Variants in GALNTL6 observed in about 807,000 individuals in gnomAD.
The protein encoded by GALNTL6 is polypeptide N-acetylgalactosaminyltransferase-like 6.
Under a neutral mutation model 73.7 loss-of-function variants are expected in GALNTL6, and 46 were observed. The ratio of observed to expected loss-of-function variants is 0.62; its 90% CI spans 0.49 to 0.80. The LOEUF is 0.80. Ranked by LOEUF, GALNTL6 falls within the 30% of genes least tolerant of loss-of-function variation. The probability of loss-of-function intolerance (pLI) is 0.00; values close to 1 mark genes in which losing one functional copy is unlikely to be tolerated. For missense variants in GALNTL6, 604 were observed against 755.0 expected, an observed-to-expected ratio of 0.80 and a Z score of 2.34; for synonymous variants, 259 against 263.7, an observed-to-expected ratio of 0.98 and a Z score of 0.17.
chr4:171,896,727 C>T (rs1188713062), intron 2 of GALNTL6, among the ~76,000 whole-genome samples: 1 of 152,118 alleles, frequency 6.6e-6, no homozygotes, highest in Admixed American at 6.6e-5. Flanking sequence ...CCTCCTAATA[C>T]CATGACCTGG....
intron 5 of GALNTL6, among the ~76,000 whole-genome samples, chr4:172,605,403 T>C (rs1333355279): frequency 6.6e-6 from 1 of 152,116 alleles, no homozygotes; most frequent in East Asian, 1.9e-4. Context: ...ACAATCTTGA[T>C]GAGGAATCAG....
intron 10 of GALNTL6, among the ~76,000 whole-genome samples, chr4:172,970,986 G>T (rs1579725783): frequency 1.3e-5 from 2 of 152,200 alleles, no homozygotes; most frequent in South Asian, 2.1e-4. Context: ...ATTAATGTGG[G>T]GAGCTGATAA....
intron 8 of GALNTL6, among the ~76,000 whole-genome samples, chr4:172,892,582 C>T (rs1484864989): frequency 2.0e-5 from 3 of 149,782 alleles, no homozygotes; most frequent in East Asian, 2.0e-4. Context: ...TTACTGTTGT[C>T]GGCTTTGTTC....
In GALNTL6 at chr4:172,882,082, T is replaced by C. The variant is rs182754689; in HGVS notation, c.924-708T>C. Among the ~76,000 whole-genome samples, 36 of 152,078 alleles carry C rather than the reference T, an allele frequency of 2.4e-4. No individual in the cohort carries two copies. The East Asian group carries it at 6.4e-3, about 27-fold the overall frequency. On this transcript the variant is annotated intron_variant, in intron 7 of 12. Transcript: ENST00000506823. ...CTGCAAAAATATTTAGGGCAGGGCC[T>C]ACCAAGTGGTTATAATTATCTTATT... is the stretch of plus-strand genomic sequence containing the variant.
chr4:172,409,322 T>C (rs1744350915), intron 5 of GALNTL6, among the ~76,000 whole-genome samples: 1 of 151,990 alleles, frequency 6.6e-6, no homozygotes, highest in Admixed American at 6.6e-5. Flanking sequence ...TGGTAATAGA[T>C]TTTTTAGGGA....
At chr4:172,103,983 G>A (rs538318590) in intron 2 of GALNTL6, among the ~76,000 whole-genome samples, 1 of 139,554 alleles carries the variant, frequency 7.2e-6, no homozygotes, top group South Asian at 2.2e-4. Flanking sequence ...TCGCTCTTTT[G>A]CCCAGGCTGG....
At chr4:172,787,841 G>C (rs1353781878) in intron 5 of GALNTL6, among the ~76,000 whole-genome samples, 1 of 152,190 alleles carries the variant, frequency 6.6e-6, no homozygotes, top group Non-Finnish European at 1.5e-5. Flanking sequence ...TGCATTGACA[G>C]TGGAGGTCAC....
chr4:172,572,833 G>T (rs796959063), intron 5 of GALNTL6, among the ~76,000 whole-genome samples: 1 of 152,070 alleles, frequency 6.6e-6, no homozygotes, highest in Non-Finnish European at 1.5e-5. Context: ...TAAAGTCAAG[G>T]TTATGTTGTA....
At chr4:172,804,877 T>G (rs796592237) in intron 5 of GALNTL6, among the ~76,000 whole-genome samples, 16 of 152,314 alleles carry the variant, frequency 1.1e-4, no homozygotes, top group African/African-American at 3.8e-4. Flanking sequence ...CCCTTGAGTT[T>G]GTTTTTTGAC....
chr4:172,133,178 C>A (rs904026886), intron 2 of GALNTL6, among the ~76,000 whole-genome samples: 3 of 152,304 alleles, frequency 2.0e-5, no homozygotes, highest in African/African-American at 7.2e-5. Context: ...AGCACAGCAA[C>A]ACATACAAAT....
intron 7 of GALNTL6, among the ~76,000 whole-genome samples, chr4:172,832,433 T>C (rs1025243622): frequency 6.6e-6 from 1 of 152,210 alleles, no homozygotes; most frequent in Admixed American, 6.5e-5. Context: ...CTAAAGGTCT[T>C]TCTCATTTAA....
intron 7 of GALNTL6, among the ~76,000 whole-genome samples, chr4:172,837,678 A>G (rs1579547943): frequency 1.3e-5 from 2 of 152,196 alleles, no homozygotes; most frequent in East Asian, 3.8e-4. Context: ...GTAACATTCA[A>G]TGTGAAATTT....
At chr4:171,896,842 G>A (rs955952538) in intron 2 of GALNTL6, among the ~76,000 whole-genome samples, 6 of 152,002 alleles carry the variant, frequency 3.9e-5, no homozygotes, top group African/African-American at 1.4e-4. Context: ...CAACCAATAG[G>A]AAATTAACAC....
At chr4:172,372,299 T>G (rs1321059719) in intron 5 of GALNTL6, among the ~76,000 whole-genome samples, 1 of 152,164 alleles carries the variant, frequency 6.6e-6, no homozygotes, top group East Asian at 1.9e-4. Context: ...GTGGCAGGGT[T>G]GAGGGCCACG....
In GALNTL6 at chr4:172,882,827, C is replaced by G. The variant is rs759011560; in HGVS notation, c.961C>G (p.Arg321Gly). 2 of 1,612,722 alleles carry G rather than the reference C, an allele frequency of 1.2e-6. No individual in the cohort carries two copies. Among genetic ancestry groups the G allele is most frequent in the Non-Finnish European group, 1.7e-6 (2 of 1,178,930 alleles). ...VMAGGLFAVDRKWFWELGGYD... is the reference protein window; with the variant it reads ...VMAGGLFAVDGKWFWELGGYD... ...GGCTGGAGGTCTCTTTGCTGTGGAT[C>G]GGAAATGGTTTTGGGAATTGGGTGG... Residue 321 changes from arginine to glycine, a missense_variant, in exon 8 of 13, where the codon CGG becomes GGG. Around this residue, in one of 5 missense-constraint regions of GALNTL6, gnomAD observed 179 missense variants for 230.8 expected, o/e 0.78. Transcript: ENST00000506823.
At position 171,896,998 on chromosome 4, in the gene GALNTL6, G is replaced by A. The variant is rs141544411; in HGVS notation, c.138+82280G>A. Among the ~76,000 whole-genome samples, 237 of 148,616 alleles carry A rather than the reference G, an allele frequency of 1.6e-3. 1 individual carries two copies. The highest frequency in any genetic ancestry group is 5.0e-3 in the African/African-American group (201 of 39,946). ...TAAAATAATAGATCAATAATAGACC[G>A]CAATCCAATTACAATAAATTATATT... On this transcript the variant is annotated intron_variant, in intron 2 of 12. Coordinates refer to ENST00000506823, the MANE Select transcript of GALNTL6 (RefSeq NM_001034845.3).
intron 5 of GALNTL6, among the ~76,000 whole-genome samples, chr4:172,785,364 T>A (rs931550120): frequency 6.6e-6 from 1 of 152,158 alleles, no homozygotes; most frequent in African/African-American, 2.4e-5. Context: ...TAAACTAGAT[T>A]TATTCAGCCT....
At chr4:171,957,432 C>T (rs447332) in intron 2 of GALNTL6, among the ~76,000 whole-genome samples, 148,925 of 152,228 alleles carry the variant, frequency 0.98, 72,931 homozygotes, top group Middle Eastern at 1. Context: ...GTAAAGGCTG[C>T]GCTCTGTGTT....
chr4:172,600,088 A>G (rs6858309), intron 5 of GALNTL6, among the ~76,000 whole-genome samples: 69,635 of 151,814 alleles, frequency 0.46, 17,767 homozygotes, highest in East Asian at 0.68. Flanking sequence ...AAATAATTTG[A>G]CCAGTGTAGG....
Sources: gnomAD v4.1 joint callset for allele counts (sites outside exome capture counted in the v4.1 genomes callset) on GRCh38, gnomAD v4.1.1 for gene constraint, gnomAD v4.1.1 regional missense constraint, MANE v1.5 for transcripts, NCBI Gene and HGNC (gene_info 2026-07-23, HGNC 2026-07-21) for gene names.